The following NELL1 variants were observed in gnomAD, a reference collection of about 807,000 sequenced individuals.
NELL1 encodes protein kinase C-binding protein NELL1.
A neutral mutation model predicts 107.4 loss-of-function variants in NELL1; 76 were observed. That is an observed-to-expected ratio of 0.71 (90% CI 0.59 to 0.86). The LOEUF is 0.86. NELL1 is among the 40% of genes least tolerant of loss of function. The pLI is 0.00. For missense variants in NELL1, 1,024 were observed against 1,005.5 expected (o/e 1.02, Z -0.25); for synonymous variants, 353 against 341.2 (o/e 1.03, Z -0.38).
At chr11:21,057,185 G>A (rs1263555628) in intron 12 of NELL1, among the ~76,000 whole-genome samples, 2 of 152,004 alleles carry the variant, frequency 1.3e-5, no homozygotes, top group Non-Finnish European at 2.9e-5. Context: ...AAACACATAA[G>A]AAGGCATTTC....
chr11:20,800,748 C>T (rs1403746620), intron 3 of NELL1, among the ~76,000 whole-genome samples: 1 of 152,088 alleles, frequency 6.6e-6, no homozygotes, highest in East Asian at 1.9e-4. Flanking sequence ...GAATGAGAAA[C>T]GATGAGGATG....
chr11:21,068,843 C>T (rs1410524856), intron 12 of NELL1, among the ~76,000 whole-genome samples: 1 of 152,164 alleles, frequency 6.6e-6, no homozygotes, highest in Non-Finnish European at 1.5e-5. Context: ...AGGAAATCTT[C>T]AGGGCCTTGG....
At chr11:21,362,876 G>C (rs1394520118) in intron 14 of NELL1, among the ~76,000 whole-genome samples, 1 of 152,120 alleles carries the variant, frequency 6.6e-6, no homozygotes, top group Non-Finnish European at 1.5e-5. Flanking sequence ...GAGAATGGGG[G>C]AATGGTCCTC....
intron 12 of NELL1, among the ~76,000 whole-genome samples, chr11:20,963,425 T>C (rs1294565251): frequency 6.6e-6 from 1 of 152,170 alleles, no homozygotes; most frequent in East Asian, 1.9e-4. Flanking sequence ...GTTTATTCCC[T>C]GGAGCTGGAG....
rs533013220 is a variant in NELL1, at chr11:21,272,571, G to A, written c.1549+43117G>A. On this transcript the variant is annotated intron_variant, in intron 14 of 19. Coordinates refer to ENST00000357134, the MANE Select transcript of NELL1 (RefSeq NM_006157.5). ...AAGAGAGTAGTGGTTCTCCCAGCAC[G>A]CAGCTGGACATCTGAGAATGGACAG... Among the ~76,000 whole-genome samples, 85 of 152,316 alleles carry A rather than the reference G, an allele frequency of 5.6e-4. No homozygotes were observed. In the South Asian group the frequency reaches 0.016, roughly 29 times the overall value.
At chr11:20,949,203 G>A (rs1423005964) in intron 11 of NELL1, among the ~76,000 whole-genome samples, 1 of 152,194 alleles carries the variant, frequency 6.6e-6, no homozygotes, top group African/African-American at 2.4e-5. Flanking sequence ...GTATGAAAAT[G>A]TTGTATGTTT....
At chr11:21,431,970 C>G (rs1263645720) in intron 15 of NELL1, among the ~76,000 whole-genome samples, 1 of 152,098 alleles carries the variant, frequency 6.6e-6, no homozygotes, top group Non-Finnish European at 1.5e-5. Flanking sequence ...ACTCAATGTA[C>G]TCAGCTAGAA....
At chr11:20,992,074 G>A (rs1034455496) in intron 12 of NELL1, among the ~76,000 whole-genome samples, 4 of 151,570 alleles carry the variant, frequency 2.6e-5, no homozygotes, top group African/African-American at 9.7e-5. Flanking sequence ...TTACATGCAA[G>A]GTTATTAATT....
chr11:21,121,498 A>G (rs972536406), intron 13 of NELL1, among the ~76,000 whole-genome samples: 1 of 152,142 alleles, frequency 6.6e-6, no homozygotes, highest in East Asian at 1.9e-4. Context: ...GAGCATATCT[A>G]TGGTGACTTT....
chr11:20,812,553 A>G (rs1047683025), intron 3 of NELL1, among the ~76,000 whole-genome samples: 4 of 152,186 alleles, frequency 2.6e-5, no homozygotes, highest in Non-Finnish European at 4.4e-5. Context: ...TCTTCTTTAT[A>G]CAGTAAAGCA....
At chr11:21,557,622 G>T (rs1459982092) in intron 16 of NELL1, among the ~76,000 whole-genome samples, 2 of 151,904 alleles carry the variant, frequency 1.3e-5, no homozygotes, top group Non-Finnish European at 2.9e-5. Flanking sequence ...TTTTCCTGGG[G>T]AAGGGGCAGG....
intron 15 of NELL1, among the ~76,000 whole-genome samples, chr11:21,403,859 C>T (rs1428869381): frequency 6.6e-6 from 1 of 150,426 alleles, no homozygotes; most frequent in Non-Finnish European, 1.5e-5. Flanking sequence ...TCTCCTGAAG[C>T]ACACTATTTA....
At chr11:20,800,512 T>C (rs1857261028) in intron 3 of NELL1, among the ~76,000 whole-genome samples, 1 of 152,222 alleles carries the variant, frequency 6.6e-6, no homozygotes, top group Non-Finnish European at 1.5e-5. Context: ...GATTGTCTAT[T>C]CCTGTCTTTT....
intron 5 of NELL1, among the ~76,000 whole-genome samples, chr11:20,888,844 C>T (rs1415923683): frequency 6.6e-6 from 1 of 152,172 alleles, no homozygotes; most frequent in Non-Finnish European, 1.5e-5. Flanking sequence ...GCTGTTGACT[C>T]TTGTTCCTCA....
At chr11:21,411,367 A>T (rs1020535795) in intron 15 of NELL1, among the ~76,000 whole-genome samples, 2 of 152,038 alleles carry the variant, frequency 1.3e-5, no homozygotes, top group Admixed American at 1.3e-4. Context: ...CTGTGTTGAA[A>T]CTACAACCTG....
At chr11:21,133,808 C>T (rs1855680615) in intron 13 of NELL1, among the ~76,000 whole-genome samples, 1 of 152,138 alleles carries the variant, frequency 6.6e-6, no homozygotes, top group African/African-American at 2.4e-5. Context: ...CTTCCTAGGC[C>T]CTGAGAGCAA....
intron 14 of NELL1, among the ~76,000 whole-genome samples, chr11:21,278,188 C>G (rs1421054512): frequency 2.0e-5 from 3 of 152,106 alleles, no homozygotes; most frequent in Non-Finnish European, 4.4e-5. Flanking sequence ...CAATGTCACA[C>G]AATAATGAGA....
intron 12 of NELL1, among the ~76,000 whole-genome samples, chr11:21,056,498 GGGA>G (rs1286958996): frequency 6.6e-6 from 1 of 151,992 alleles, no homozygotes; most frequent in Non-Finnish European, 1.5e-5. Flanking sequence ...AAAAAAATGA[GGGA>G]GGATTATGTA....
At chr11:20,919,430 G>A (rs368708085) in intron 7 of NELL1, 96 bp downstream of exon 7, 21 of 730,910 alleles carry the variant, frequency 2.9e-5, no homozygotes, top group African/African-American at 1.4e-4. Flanking sequence ...TTTTAGCCTC[G>A]GCATCTGCTA....
Sources: allele counts gnomAD v4.1 joint callset (sites outside exome capture counted in the v4.1 genomes callset), GRCh38; gene constraint gnomAD v4.1.1; transcripts MANE v1.5; gene names NCBI Gene and HGNC (gene_info 2026-07-23, HGNC 2026-07-21).